Variants in ZNF385D observed in about 807,000 individuals in gnomAD.
ZNF385D encodes the protein zinc finger protein 385D.
ZNF385D carries 15 observed loss-of-function variants against 35.8 expected under a neutral mutation model. The observed-to-expected ratio is 0.42, with a 90% CI of 0.28 to 0.64. The LOEUF is 0.64. Ranked by LOEUF, ZNF385D falls within the 30% of genes least tolerant of loss-of-function variation. The probability of loss-of-function intolerance (pLI) is 0.23; values close to 1 mark genes in which losing one functional copy is unlikely to be tolerated. For synonymous variants in ZNF385D, 212 were observed against 186.8 expected (o/e 1.13, Z -1.10); for missense variants, 474 against 494.6 (o/e 0.96, Z 0.39).
rs1460074157 is a variant in ZNF385D at position 22,065,416 on chromosome 3, C to A, written c.325+103401G>T. 4.6e-5 allele frequency among the ~76,000 whole-genome samples: 7 copies of A among 152,184 alleles called. No individual in the cohort carries two copies. The East Asian group carries it at 1.2e-3, about 25-fold the overall frequency. Reference sequence around the variant, plus strand: ...GAATGATGCCTGCTTTTCTAAAAAACACACAAGATGGAAGGCAGCTGGAAC... The same window carrying A: ...GAATGATGCCTGCTTTTCTAAAAAAAACACAAGATGGAAGGCAGCTGGAAC... On this transcript the variant is annotated intron_variant, in intron 3 of 5. Transcript: ENST00000494108.
intron 3 of ZNF385D, among the ~76,000 whole-genome samples, chr3:21,877,041 A>G (rs1273723907): frequency 6.6e-6 from 1 of 152,090 alleles, no homozygotes; most frequent in Admixed American, 6.6e-5. Context: ...TTTGCAGTAA[A>G]ACACCATTAC....
chr3:22,260,280 T>C (rs963545052), intron 2 of ZNF385D, among the ~76,000 whole-genome samples: 2 of 150,848 alleles, frequency 1.3e-5, no homozygotes, highest in African/African-American at 2.4e-5. Flanking sequence ...TAAGTGGGAG[T>C]TGAACAATGA....
chr3:21,745,896 G>A (rs748302803), intron 1 of ZNF385D, among the ~76,000 whole-genome samples: 1 of 152,152 alleles, frequency 6.6e-6, no homozygotes, highest in Non-Finnish European at 1.5e-5. Flanking sequence ...AAACTTGAAA[G>A]CCAGCTGTGC....
At chr3:22,271,055 A>G (rs886970794) in intron 2 of ZNF385D, among the ~76,000 whole-genome samples, 1 of 151,826 alleles carries the variant, frequency 6.6e-6, no homozygotes, top group Non-Finnish European at 1.5e-5. Flanking sequence ...CCCTCCTTCC[A>G]TGAAATCTTT....
At chr3:21,804,436 A>G (rs1575679151) in intron 3 of ZNF385D, among the ~76,000 whole-genome samples, 1 of 152,204 alleles carries the variant, frequency 6.6e-6, no homozygotes, top group African/African-American at 2.4e-5. Flanking sequence ...TTGAGTAAAT[A>G]TCACAAGGAA....
At chr3:21,787,517 G>A (rs7621620) in intron 3 of ZNF385D, among the ~76,000 whole-genome samples, 2,031 of 152,010 alleles carry the variant, frequency 0.013, 51 homozygotes, top group African/African-American at 0.046. Context: ...ACTGTCCTAT[G>A]GAAGAGTAGA....
chr3:21,851,227 G>T (rs950281377), intron 3 of ZNF385D, among the ~76,000 whole-genome samples: 2 of 151,992 alleles, frequency 1.3e-5, no homozygotes, highest in Non-Finnish European at 2.9e-5. Context: ...CTTGATAGCT[G>T]ATCAGGCATT....
chr3:22,296,998 A>C (rs1046034215), intron 2 of ZNF385D, among the ~76,000 whole-genome samples: 1 of 152,138 alleles, frequency 6.6e-6, no homozygotes, highest in Admixed American at 6.5e-5. Flanking sequence ...TCAGGGCCTG[A>C]GGTACAAGTA....
chr3:21,564,765 A>G (rs2063082413), intron 2 of ZNF385D, 81 bp from the exon 3 acceptor site: 1 of 712,648 alleles, frequency 1.4e-6, no homozygotes, highest in African/African-American at 1.8e-5. Flanking sequence ...TCATTAAAGA[A>G]CCAATCTGTA....
chr3:21,498,604 G>A (rs145448573), intron 4 of ZNF385D, among the ~76,000 whole-genome samples: 2 of 152,058 alleles, frequency 1.3e-5, no homozygotes, highest in African/African-American at 4.8e-5. Flanking sequence ...AGGAAAAAAT[G>A]CTCAACATCA....
At chr3:21,924,600 G>C (rs1243236299) in intron 3 of ZNF385D, among the ~76,000 whole-genome samples, 1 of 152,030 alleles carries the variant, frequency 6.6e-6, no homozygotes, top group Non-Finnish European at 1.5e-5. Flanking sequence ...AGCAATCCTT[G>C]TCTCCTGTAC....
At chr3:21,867,290 C>A (rs774355493) in intron 3 of ZNF385D, among the ~76,000 whole-genome samples, 2 of 152,110 alleles carry the variant, frequency 1.3e-5, no homozygotes, top group African/African-American at 4.8e-5. Context: ...GACACTGTTG[C>A]ATTGGAAATT....
chr3:21,539,136 A>G lies in ZNF385D; in HGVS notation c.276+25438T>C, dbSNP rs916447585. On this transcript the variant is annotated intron_variant, in intron 3 of 7. Coordinates refer to ENST00000281523, the MANE Select transcript of ZNF385D (RefSeq NM_024697.3). This position sits in a 1 kb window ranked among gnomAD's most constrained non-coding sequence, Gnocchi z 4.0. ...TAATTTTTAAACCTGCATAATAATA[A>G]TGCAACCCTTGACAAACCTGATCAA... Among the ~76,000 whole-genome samples the G allele has an allele frequency of 6.6e-5, 10 of 152,038 alleles. No homozygotes were observed. Among genetic ancestry groups the G allele is most frequent in the Non-Finnish European group, 8.8e-5 (6 of 68,006 alleles).
chr3:22,351,253 C>T (rs1695903387), intron 2 of ZNF385D, among the ~76,000 whole-genome samples: 1 of 152,076 alleles, frequency 6.6e-6, no homozygotes, highest in African/African-American at 2.4e-5. Context: ...GAATATGCTG[C>T]ATTCTAATGT....
At chr3:21,741,923 C>T (rs1243135507) in intron 1 of ZNF385D, among the ~76,000 whole-genome samples, 1 of 152,094 alleles carries the variant, frequency 6.6e-6, no homozygotes, top group East Asian at 1.9e-4. Context: ...TTAGATGTGG[C>T]CTCTAAGGTA....
intron 3 of ZNF385D, among the ~76,000 whole-genome samples, chr3:22,081,500 C>T (rs191297548): frequency 2.6e-5 from 4 of 152,092 alleles, no homozygotes; most frequent in Admixed American, 2.0e-4. Flanking sequence ...ATGGCTGAAG[C>T]GAGTTGAGCT....
exon 2 of ZNF385D, chr3:22,372,560 G>C (rs1575223524): frequency 2.0e-6 from 2 of 985,678 alleles, no homozygotes; most frequent in Non-Finnish European, 2.4e-6. Flanking sequence ...TGGCATCCGG[G>C]AGGAGCAGCC....
chr3:21,853,595 C>T (rs2336055), intron 3 of ZNF385D, among the ~76,000 whole-genome samples: 30,389 of 149,300 alleles, frequency 0.2, 3,280 homozygotes, highest in Admixed American at 0.26. Context: ...ATGAAGTGGA[C>T]CCGAACAAAA....
At chr3:22,148,762 A>C (rs1705031857) in intron 3 of ZNF385D, among the ~76,000 whole-genome samples, 1 of 152,204 alleles carries the variant, frequency 6.6e-6, no homozygotes, top group Non-Finnish European at 1.5e-5. Flanking sequence ...CTATCTCCAA[A>C]GTTAGGTAAT....
Sources: gnomAD v4.1 joint callset for allele counts (sites outside exome capture counted in the v4.1 genomes callset) on GRCh38, gnomAD v4.1.1 for gene constraint, Gnocchi (gnomAD v3.1) non-coding constraint, MANE v1.5 for transcripts, NCBI Gene and HGNC (gene_info 2026-07-23, HGNC 2026-07-21) for gene names.